Variants in CAMK1D observed in about 807,000 individuals in gnomAD.
The protein encoded by CAMK1D is calcium/calmodulin dependent protein kinase ID.
In CAMK1D, 9 loss-of-function variants were observed where a neutral mutation model predicts 47.7. The observed-to-expected ratio is 0.19, with a 90% CI of 0.11 to 0.33. The LOEUF is 0.33. Among genes scored for constraint, CAMK1D ranks in the 10% least tolerant of loss-of-function variants. The pLI is 1.00. For missense variants in CAMK1D, 291 were observed against 488.7 expected (o/e 0.60, Z 3.81); for synonymous variants, 184 against 184.9 (o/e 0.99, Z 0.04).
intron 1 of CAMK1D, among the ~76,000 whole-genome samples, chr10:12,552,126 G>T (rs981925360): frequency 2.0e-5 from 3 of 152,200 alleles, no homozygotes; most frequent in African/African-American, 7.2e-5. Flanking sequence ...CTTGCCTACC[G>T]TCAGCAAAGG....
intron 1 of CAMK1D, among the ~76,000 whole-genome samples, chr10:12,540,922 G>GTTTTTT (rs200320640): frequency 6.9e-6 from 1 of 144,964 alleles, no homozygotes; most frequent in Admixed American, 6.8e-5. Flanking sequence ...TGAGTTATAG[G>GTTTTTT]TTTTTTTTTT....
intron 3 of CAMK1D, among the ~76,000 whole-genome samples, chr10:12,753,761 T>C (rs1471590143): frequency 6.6e-6 from 1 of 152,226 alleles, no homozygotes; most frequent in Admixed American, 6.5e-5. Context: ...TCATGGCCTG[T>C]ATTCTCCGAA....
At chr10:12,790,989 C>G (rs1837953976) in intron 5 of CAMK1D, among the ~76,000 whole-genome samples, 169 bp from the exon 6 acceptor site, 1 of 141,532 alleles carries the variant, frequency 7.1e-6, no homozygotes, top group Non-Finnish European at 1.5e-5. Flanking sequence ...GAGCAAGACC[C>G]TATCTTCCTT....
At chr10:12,688,459 T>A (rs1487702780) in intron 3 of CAMK1D, among the ~76,000 whole-genome samples, 1 of 152,222 alleles carries the variant, frequency 6.6e-6, no homozygotes, top group Non-Finnish European at 1.5e-5. Context: ...AGAGAAAGAT[T>A]TAAAGAATTA....
chr10:12,718,437 C>T (rs1445658379), intron 3 of CAMK1D, among the ~76,000 whole-genome samples: 4 of 152,158 alleles, frequency 2.6e-5, no homozygotes, highest in South Asian at 2.1e-4. Flanking sequence ...GCTTCAGTGA[C>T]GGTACCCACA....
intron 3 of CAMK1D, among the ~76,000 whole-genome samples, chr10:12,720,732 C>T (rs773199108): frequency 6.6e-6 from 1 of 152,156 alleles, no homozygotes; most frequent in Non-Finnish European, 1.5e-5. Flanking sequence ...TTTTCCCTCT[C>T]GAATGGCCCC....
chr10:12,546,105 A>G (rs1836361125), intron 1 of CAMK1D, among the ~76,000 whole-genome samples: 1 of 152,218 alleles, frequency 6.6e-6, no homozygotes, highest in Admixed American at 6.5e-5. Context: ...GATCCCATAG[A>G]CATGAAACCT....
At chr10:12,714,691 C>T (rs1282175347) in intron 3 of CAMK1D, among the ~76,000 whole-genome samples, 3 of 150,762 alleles carry the variant, frequency 2.0e-5, no homozygotes, top group South Asian at 4.2e-4. Context: ...TGCACTCCAG[C>T]CTGGGCAACA....
chr10:12,731,856 G>C (rs796619965), intron 3 of CAMK1D, among the ~76,000 whole-genome samples: 6 of 152,246 alleles, frequency 3.9e-5, no homozygotes, highest in African/African-American at 1.4e-4. Flanking sequence ...TTAGGATGGG[G>C]TTGCAGTTCC....
intron 1 of CAMK1D, among the ~76,000 whole-genome samples, chr10:12,448,250 C>T (rs559457967): frequency 2.0e-4 from 30 of 152,192 alleles, no homozygotes; most frequent in Non-Finnish European, 4.1e-4. Context: ...ATCTTGAACT[C>T]CTGGCCTCAA....
Position 12,401,289 on chromosome 10 carries a change from TATATA to T in CAMK1D, c.92+51385_92+51389del, listed in dbSNP as rs1403462058. On this transcript the variant is annotated intron_variant, in intron 1 of 10. Transcript: ENST00000619168. ...ATATATTATGTATATATTTTATATATATATAATATATGTATTATATATATTATGTA... is the reference window on the plus strand; with the variant it reads ...ATATATTATGTATATATTTTATATATATATATGTATTATATATATTATGTA... Among the ~76,000 whole-genome samples the T allele has an allele frequency of 4.9e-5, 3 of 60,920 alleles. 1 individual carries two copies. The highest frequency in any genetic ancestry group is 2.0e-4 in the African/African-American group (3 of 15,158). The allele number at this position is 60,920 out of a possible 152,430, so 40.0% of individuals were successfully genotyped here. A position where few individuals can be genotyped will look rare whatever the true frequency, so the allele number is the denominator to read the frequency against.
chr10:12,805,329 T>C (rs1838678994), intron 6 of CAMK1D, among the ~76,000 whole-genome samples: 1 of 150,878 alleles, frequency 6.6e-6, no homozygotes, highest in South Asian at 2.1e-4. Flanking sequence ...AAGGTAAACA[T>C]TATAATCATG....
At chr10:12,689,103 C>T (rs1832773062) in intron 3 of CAMK1D, among the ~76,000 whole-genome samples, 1 of 152,196 alleles carries the variant, frequency 6.6e-6, no homozygotes, top group Non-Finnish European at 1.5e-5. Flanking sequence ...CCATTGCCTT[C>T]CTGCTTCATA....
intron 1 of CAMK1D, among the ~76,000 whole-genome samples, chr10:12,489,156 T>G (rs1588545931): frequency 6.6e-6 from 1 of 152,070 alleles, no homozygotes; most frequent in Non-Finnish European, 1.5e-5. Context: ...GCCAGGATGG[T>G]CTCGATCCCC....
chr10:12,574,308 C>T (rs1564421776), intron 2 of CAMK1D, among the ~76,000 whole-genome samples: 1 of 143,726 alleles, frequency 7.0e-6, no homozygotes, highest in East Asian at 2.0e-4. Context: ...CTGTTTTGTC[C>T]TTTTTTTTTT....
intron 2 of CAMK1D, among the ~76,000 whole-genome samples, chr10:12,594,144 C>A (rs1054402316): frequency 6.6e-6 from 1 of 152,166 alleles, no homozygotes. Context: ...CCATTGCACT[C>A]TAATAACACA....
intron 2 of CAMK1D, among the ~76,000 whole-genome samples, chr10:12,585,922 G>T (rs1564428489): frequency 6.6e-6 from 1 of 152,202 alleles, no homozygotes; most frequent in African/African-American, 2.4e-5. Context: ...CTCATTGGCT[G>T]ATGTGCTCTG....
At chr10:12,710,682 T>A (rs571783265) in intron 3 of CAMK1D, among the ~76,000 whole-genome samples, 2 of 152,172 alleles carry the variant, frequency 1.3e-5, no homozygotes, top group South Asian at 2.1e-4. Context: ...CCTTTCCCAG[T>A]GAAAATGCAA....
At chr10:12,526,133 T>A (rs541350213) in intron 1 of CAMK1D, among the ~76,000 whole-genome samples, 40 of 152,356 alleles carry the variant, frequency 2.6e-4, no homozygotes, top group Non-Finnish European at 5.4e-4. Flanking sequence ...AGGTTGAAAT[T>A]TCTTTCCTTT....
Sources: gnomAD v4.1 joint callset for allele counts (sites outside exome capture counted in the v4.1 genomes callset) on GRCh38, gnomAD v4.1.1 for gene constraint, MANE v1.5 for transcripts, NCBI Gene and HGNC (gene_info 2026-07-23, HGNC 2026-07-21) for gene names.